DSCAML1: variants seen among roughly 807,000 people sequenced by gnomAD.
DSCAML1 encodes cell adhesion molecule DSCAML1.
Under a neutral mutation model 200.5 loss-of-function variants are expected in DSCAML1, and 38 were observed. That is an observed-to-expected ratio of 0.19 (90% CI 0.15 to 0.25). DSCAML1 has a LOEUF of 0.25. DSCAML1 is among the 10% of genes least tolerant of loss of function. The probability of loss-of-function intolerance (pLI) is 1.00; values close to 1 mark genes in which losing one functional copy is unlikely to be tolerated. For synonymous variants in DSCAML1, 1,215 were observed against 1,165.0 expected (o/e 1.04, Z -0.87); for missense variants, 2,223 against 2,858.8 (o/e 0.78, Z 5.07).
Position 117,776,881 on chromosome 11 carries a change from C to T in DSCAML1, c.421G>A (p.Val141Met), listed in dbSNP as rs774393882. Residue 141 changes from valine to methionine, a missense_variant, in exon 3 of 33, where the codon GTG becomes ATG. Val to Met is a conservative substitution (Grantham distance 21). Around this residue, in one of 7 missense-constraint regions of DSCAML1, gnomAD observed 579 missense variants for 721.5 expected, o/e 0.80. Coordinates refer to ENST00000651296, the MANE Select transcript of DSCAML1 (RefSeq NM_020693.4). ...GGGATGAGGCACTTGAAGACGGCCA[C>T]GTTGCCACGCATTGACCTTTGATCC... is the stretch of plus-strand genomic sequence containing the variant. ...VEDQRSMRGN[V>M]AVFKCLIPSS... 1.8e-5 allele frequency: 29 copies of T among 1,614,050 alleles called. No homozygotes were observed. The highest frequency in any genetic ancestry group is 4.5e-5 in the East Asian group (2 of 44,898).
At chr11:117,486,310 G>A (rs1237298692) in intron 11 of DSCAML1, among the ~76,000 whole-genome samples, 6 of 124,010 alleles carry the variant, frequency 4.8e-5, no homozygotes, top group African/African-American at 5.6e-5. Context: ...TGAAAGTAGT[G>A]GATGTGAAAG....
intron 3 of DSCAML1, among the ~76,000 whole-genome samples, chr11:117,599,855 C>T (rs901692165): frequency 3.9e-5 from 6 of 152,180 alleles, no homozygotes; most frequent in African/African-American, 7.2e-5. Flanking sequence ...GTTTAGCATC[C>T]GGGACTCATC....
rs549597194 is a variant in DSCAML1, at chr11:117,518,301, C to T, written c.1510+165G>A. 1.9e-5 allele frequency: 17 copies of T among 873,618 alleles called. No individual in the cohort carries two copies. The highest frequency in any genetic ancestry group is 9.4e-5 in the South Asian group (6 of 64,020). The allele number at this position is 873,618 out of a possible 1,614,324, so 54.1% of individuals were successfully genotyped here. On this transcript the variant is annotated intron_variant, in intron 7 of 32. Coordinates refer to ENST00000651296, the MANE Select transcript of DSCAML1 (RefSeq NM_020693.4). This position sits in a 1 kb window ranked among gnomAD's most constrained non-coding sequence, Gnocchi z 6.3. ...ACACGCACACAAGAATGGATGATGG[C>T]GCTTGAGGAGGGCAGGAAAAGGGGA...
chr11:117,604,613 T>A (rs1279264096), intron 3 of DSCAML1, among the ~76,000 whole-genome samples: 1 of 152,218 alleles, frequency 6.6e-6, no homozygotes, highest in African/African-American at 2.4e-5. Context: ...TTATTCATGC[T>A]CAGATGGGGC....
chr11:117,686,960 T>A (rs1413580312), intron 3 of DSCAML1, among the ~76,000 whole-genome samples: 2 of 152,258 alleles, frequency 1.3e-5, no homozygotes, highest in African/African-American at 4.8e-5. Context: ...ATTGAATGTC[T>A]TTCCTCTTTA....
At chr11:117,535,183 A>C (rs1213655560) in intron 3 of DSCAML1, among the ~76,000 whole-genome samples, 1 of 152,162 alleles carries the variant, frequency 6.6e-6, no homozygotes, top group Non-Finnish European at 1.5e-5. Context: ...ATGGTGTGGG[A>C]GGAGGGAGGC....
intron 31 of DSCAML1, 68 bp from the exon 32 acceptor site, chr11:117,431,101 C>T (rs1419059963): frequency 6.9e-7 from 1 of 1,458,900 alleles, no homozygotes; most frequent in Non-Finnish European, 9.3e-7. Flanking sequence ...CTGAGCACTT[C>T]CCCTGCCCGT....
intron 2 of DSCAML1, among the ~76,000 whole-genome samples, chr11:117,778,129 G>T (rs919844488): frequency 3.9e-5 from 6 of 152,126 alleles, no homozygotes; most frequent in African/African-American, 1.4e-4. Flanking sequence ...GGCTCTTCCC[G>T]GCCCTCCCTC....
At chr11:117,562,850 G>C (rs572393346) in intron 3 of DSCAML1, among the ~76,000 whole-genome samples, 1 of 152,290 alleles carries the variant, frequency 6.6e-6, no homozygotes, top group East Asian at 1.9e-4. Context: ...TCCTGCCTCA[G>C]CCTCCTGAGT....
chr11:117,814,529 ATCAC>A (rs1373856939), intron 1 of DSCAML1, among the ~76,000 whole-genome samples: 1 of 152,218 alleles, frequency 6.6e-6, no homozygotes, highest in African/African-American at 2.4e-5. Flanking sequence ...TTGGTAATCA[ATCAC>A]TCATTCATTC....
At chr11:117,814,681 G>C (rs1022140778) in intron 1 of DSCAML1, among the ~76,000 whole-genome samples, 5 of 152,180 alleles carry the variant, frequency 3.3e-5, no homozygotes, top group Admixed American at 3.3e-4. Context: ...ATAAGCAGTG[G>C]GGCCTCAGAT....
Position 117,583,428 on chromosome 11 carries a change from C to T in DSCAML1, c.512-50906G>A, listed in dbSNP as rs148948138. 8.4e-3 allele frequency among the ~76,000 whole-genome samples: 1,281 copies of T among 152,294 alleles called. 25 individuals are homozygous for T. Among genetic ancestry groups the T allele is most frequent in the African/African-American group, 0.029 (1,215 of 41,566 alleles). ...TAGGCTTCGTGGTCTGACCTCATCT[C>T]GCTCCGCAAGAATCCCCTGCCCATC... On this transcript the variant is annotated intron_variant, in intron 3 of 32. Coordinates refer to ENST00000651296, the MANE Select transcript of DSCAML1 (RefSeq NM_020693.4).
intron 3 of DSCAML1, among the ~76,000 whole-genome samples, chr11:117,534,498 G>A (rs1592705114): frequency 1.3e-5 from 2 of 152,142 alleles, no homozygotes; most frequent in Admixed American, 6.5e-5. Context: ...ACTCACTGGT[G>A]CCCCGCTGAA....
At chr11:117,486,911 CTTTTTTTTTTTTTTTT>C (rs56805170) in intron 11 of DSCAML1, among the ~76,000 whole-genome samples, 15,515 of 80,748 alleles carry the variant, frequency 0.19, 1,484 homozygotes, top group Admixed American at 0.37. Flanking sequence ...TGTAAAATAC[CTTTTTTTTTTTTTTTT>C]TTTTTTTTTT....
At chr11:117,439,994 CT>C (rs1224638483) in intron 21 of DSCAML1, 58 bp from the exon 22 acceptor site, 2 of 1,467,970 alleles carry the variant, frequency 1.4e-6, no homozygotes, top group Non-Finnish European at 1.9e-6. Flanking sequence ...ATATCCTGGC[CT>C]CCTTCCTTAG....
chr11:117,564,707 TTCCTTCTTTCC>T (rs2050724708), intron 3 of DSCAML1, among the ~76,000 whole-genome samples: 1 of 151,490 alleles, frequency 6.6e-6, no homozygotes, highest in African/African-American at 2.4e-5. Flanking sequence ...CCTTCCTTTC[TTCCTTCTTTCC>T]TTTCCTTCCT....
chr11:117,466,633 G>A (rs933776926), intron 16 of DSCAML1, among the ~76,000 whole-genome samples: 5 of 152,226 alleles, frequency 3.3e-5, no homozygotes, highest in South Asian at 2.1e-4. Flanking sequence ...CCCGGGAGGC[G>A]GAGGTTGGAG....
At chr11:117,655,579 C>G (rs2052717500) in intron 3 of DSCAML1, among the ~76,000 whole-genome samples, 1 of 152,206 alleles carries the variant, frequency 6.6e-6, no homozygotes, top group Non-Finnish European at 1.5e-5. Flanking sequence ...CCCCTTCAGG[C>G]CTTCCATCAG....
At chr11:117,645,043 C>T (rs2052494980) in intron 3 of DSCAML1, among the ~76,000 whole-genome samples, 1 of 152,234 alleles carries the variant, frequency 6.6e-6, no homozygotes. Flanking sequence ...TGACCAGGCT[C>T]AGTAAAGCCT....
Sources: gnomAD v4.1 joint callset for allele counts (sites outside exome capture counted in the v4.1 genomes callset) on GRCh38, gnomAD v4.1.1 for gene constraint, gnomAD v4.1.1 regional missense constraint, Gnocchi (gnomAD v3.1) non-coding constraint, MANE v1.5 for transcripts, NCBI Gene and HGNC (gene_info 2026-07-23, HGNC 2026-07-21) for gene names.